Variants in SPOCK1 observed in about 807,000 individuals in gnomAD.
SPOCK1 encodes the protein SPARC (osteonectin), cwcv and kazal like domains proteoglycan 1.
SPOCK1 carries 23 observed loss-of-function variants against 55.3 expected under a neutral mutation model. The observed-to-expected ratio is 0.42, with a 90% CI of 0.30 to 0.59. SPOCK1 has a LOEUF of 0.59. Among genes scored for constraint, SPOCK1 ranks in the 20% least tolerant of loss-of-function variants. The pLI, the probability that SPOCK1 is intolerant of heterozygous loss-of-function variation, is 0.22. For synonymous variants in SPOCK1, 226 were observed against 221.0 expected (o/e 1.02, Z -0.20); for missense variants, 499 against 552.5 (o/e 0.90, Z 0.97).
chr5:137,199,377 C>A (rs976674235), intron 3 of SPOCK1, among the ~76,000 whole-genome samples: 3 of 152,106 alleles, frequency 2.0e-5, no homozygotes, highest in African/African-American at 7.2e-5. Flanking sequence ...TTGTTCTCTG[C>A]GTAGTTTCTC....
chr5:137,096,155 C>T (rs1753141603), intron 5 of SPOCK1, among the ~76,000 whole-genome samples: 1 of 151,478 alleles, frequency 6.6e-6, no homozygotes, highest in African/African-American at 2.4e-5. Flanking sequence ...ATGTGGTTCA[C>T]CCCATCCTCA....
chr5:137,300,949 C>A (rs1757577777), intron 2 of SPOCK1, among the ~76,000 whole-genome samples: 1 of 152,112 alleles, frequency 6.6e-6, no homozygotes, highest in Non-Finnish European at 1.5e-5. Flanking sequence ...CTGGTGGCCA[C>A]TGGGTTTTTT....
intron 2 of SPOCK1, among the ~76,000 whole-genome samples, chr5:137,377,329 G>T (rs1207474792): frequency 1.3e-5 from 2 of 152,138 alleles, no homozygotes. Context: ...AAATTTGTGT[G>T]GGGAAAGACA....
At chr5:137,184,883 T>C (rs866047439) in intron 3 of SPOCK1, among the ~76,000 whole-genome samples, 3 of 152,026 alleles carry the variant, frequency 2.0e-5, no homozygotes, top group Non-Finnish European at 4.4e-5. Flanking sequence ...CCTCAAATGT[T>C]CTCAAGCTTG....
rs185836912 is a variant in SPOCK1 at position 137,463,052 on chromosome 5, G to A, written c.186+35321C>T. Among the ~76,000 whole-genome samples, 5 of 152,300 alleles carry A rather than the reference G, an allele frequency of 3.3e-5. No individual in the cohort carries two copies. The South Asian group carries it at 8.3e-4, about 25-fold the overall frequency. ...ATTTGGAATTAGTCCTGAGGACAAC[G>A]AGGAGTCATCACTGAAGCATGTTAA... On this transcript the variant is annotated intron_variant, in intron 2 of 10. Transcript: ENST00000394945.
At chr5:137,371,354 G>A (rs543676465) in intron 2 of SPOCK1, among the ~76,000 whole-genome samples, 53 of 152,318 alleles carry the variant, frequency 3.5e-4, no homozygotes, top group African/African-American at 1.3e-3. Flanking sequence ...AAATACATGA[G>A]AAGCACTTAG....
At position 137,289,140 on chromosome 5, in the gene SPOCK1, A is replaced by C. The variant is rs544499786; in HGVS notation, c.187-22085T>G. ...TGAGGTTATTAATGAAGCAAGCTTC[A>C]TAGAGTTTACCAAGTCAAAATGAGT... On this transcript the variant is annotated intron_variant, in intron 2 of 10. Coordinates refer to ENST00000394945, the MANE Select transcript of SPOCK1 (RefSeq NM_004598.4). Among the ~76,000 whole-genome samples, 70 of 152,368 alleles carry C rather than the reference A, an allele frequency of 4.6e-4. 1 individual carries two copies. Among genetic ancestry groups the C allele is most frequent in the African/African-American group, 1.6e-3 (66 of 41,594 alleles).
intron 2 of SPOCK1, among the ~76,000 whole-genome samples, chr5:137,338,805 C>G (rs2127154897): frequency 6.6e-6 from 1 of 152,254 alleles, no homozygotes; most frequent in African/African-American, 2.4e-5. Flanking sequence ...TTTTTGGCCG[C>G]ATAAATGTCT....
intron 2 of SPOCK1, among the ~76,000 whole-genome samples, chr5:137,363,006 C>A (rs1750983712): frequency 6.6e-6 from 1 of 152,200 alleles, no homozygotes; most frequent in Non-Finnish European, 1.5e-5. Context: ...AGGGGACACA[C>A]TTTTTCATGA....
chr5:137,356,816 TATATATATATATATATATATATAGAG>T (rs1419136174), intron 2 of SPOCK1, among the ~76,000 whole-genome samples: 1 of 19,374 alleles, frequency 5.2e-5, no homozygotes, highest in African/African-American at 2.4e-4. Context: ...TATATATATA[TATATATATATATATATATATATAGAG>T]AGAGAGAGAG....
At chr5:137,360,505 G>A (rs1360113824) in intron 2 of SPOCK1, among the ~76,000 whole-genome samples, 1 of 152,196 alleles carries the variant, frequency 6.6e-6, no homozygotes, top group South Asian at 2.1e-4. Flanking sequence ...AGTCAATGGA[G>A]GTGATTCTCT....
At position 137,472,377 on chromosome 5, in the gene SPOCK1, CA is replaced by C. The variant is rs145700660; in HGVS notation, c.186+25995del. ...ACCTTAAAAGAATGTATTAGGTGTA[CA>C]AAAAAAAAAAAGCTCAGTGCAAACT... On this transcript the variant is annotated intron_variant, in intron 2 of 10. Transcript: ENST00000394945. 2.7e-3 allele frequency among the ~76,000 whole-genome samples: 355 copies of C among 133,656 alleles called. 1 individual carries two copies. Among genetic ancestry groups the C allele is most frequent in the African/African-American group, 5.4e-3 (195 of 36,196 alleles). The allele number at this position is 133,656 out of a possible 152,430, so 87.7% of individuals were successfully genotyped here. A position where few individuals can be genotyped will look rare whatever the true frequency, so the allele number is the denominator to read the frequency against.
chr5:137,154,355 CCT>C (rs1451810490), intron 3 of SPOCK1, among the ~76,000 whole-genome samples: 1 of 152,136 alleles, frequency 6.6e-6, no homozygotes, highest in African/African-American at 2.4e-5. Flanking sequence ...TCAGGGAAGA[CCT>C]CTCTAAGGAG....
chr5:137,304,997 G>A (rs148247201), intron 2 of SPOCK1, among the ~76,000 whole-genome samples: 58 of 152,260 alleles, frequency 3.8e-4, no homozygotes, highest in African/African-American at 1.0e-3. Context: ...AAACCAAAGC[G>A]TTGGCAGAGC....
At chr5:137,485,147 A>C (rs1754029675) in intron 2 of SPOCK1, among the ~76,000 whole-genome samples, 1 of 152,192 alleles carries the variant, frequency 6.6e-6, no homozygotes, top group Admixed American at 6.5e-5. Context: ...ATTTCTTCAA[A>C]TTCGGAAAAG....
At chr5:137,360,417 G>A (rs551682258) in intron 2 of SPOCK1, among the ~76,000 whole-genome samples, 6 of 152,146 alleles carry the variant, frequency 3.9e-5, no homozygotes, top group South Asian at 2.1e-4. Context: ...GACAGGATCC[G>A]GGATCTCACA....
At chr5:137,322,722 C>T (rs546209749) in intron 2 of SPOCK1, among the ~76,000 whole-genome samples, 1 of 151,224 alleles carries the variant, frequency 6.6e-6, no homozygotes, top group South Asian at 2.1e-4. Flanking sequence ...AAAAAAAAAT[C>T]AAAAGAGGAA....
At chr5:137,199,628 C>CT (rs1755376070) in intron 3 of SPOCK1, among the ~76,000 whole-genome samples, 1 of 152,160 alleles carries the variant, frequency 6.6e-6, no homozygotes, top group South Asian at 2.1e-4. Flanking sequence ...TTTCCTCCCC[C>CT]TTTCGAGCAA....
intron 2 of SPOCK1, among the ~76,000 whole-genome samples, chr5:137,492,741 C>T (rs533747637): frequency 4.1e-4 from 63 of 152,310 alleles, no homozygotes; most frequent in Middle Eastern, 3.4e-3. Flanking sequence ...CAGAAACCTG[C>T]GAGAGTGCCA....
Sources: gnomAD v4.1 joint callset for allele counts (sites outside exome capture counted in the v4.1 genomes callset) on GRCh38, gnomAD v4.1.1 for gene constraint, MANE v1.5 for transcripts, NCBI Gene and HGNC (gene_info 2026-07-23, HGNC 2026-07-21) for gene names.